Variants in PIP4K2A observed in about 807,000 individuals in gnomAD.
The protein encoded by PIP4K2A is phosphatidylinositol 5-phosphate 4-kinase type-2 alpha.
PIP4K2A carries 14 observed loss-of-function variants against 42.9 expected under a neutral mutation model. The observed-to-expected ratio is 0.33, with a 90% CI of 0.22 to 0.51. The LOEUF (loss-of-function observed/expected upper bound fraction) is 0.51. PIP4K2A is among the 20% of genes least tolerant of loss of function. The pLI, the probability that PIP4K2A is intolerant of heterozygous loss-of-function variation, is 0.97. For missense variants in PIP4K2A, 434 were observed against 519.8 expected, an observed-to-expected ratio of 0.83 and a Z score of 1.61; for synonymous variants, 192 against 192.2, an observed-to-expected ratio of 1.00 and a Z score of 0.01.
At position 22,573,179 on chromosome 10, in the gene PIP4K2A, A is replaced by C. The variant is rs529125715; in HGVS notation, c.639+132T>G. On this transcript the variant is annotated intron_variant, in intron 5 of 9. Coordinates refer to ENST00000376573, the MANE Select transcript of PIP4K2A (RefSeq NM_005028.5). ...AGCACTTATTGCCTCACAGGAAGGA[A>C]TACACTGCTACTTGTCTGGTAGCTT... is the stretch of plus-strand genomic sequence containing the variant. The C allele has an allele frequency of 9.2e-6, 7 of 763,578 alleles. No homozygotes were observed. The East Asian group carries it at 1.7e-4, about 19-fold the overall frequency. The allele number at this position is 763,578 out of a possible 1,614,324, so 47.3% of individuals were successfully genotyped here.
At chr10:22,581,849 C>T (rs1242752414) in intron 4 of PIP4K2A, among the ~76,000 whole-genome samples, 1 of 152,018 alleles carries the variant, frequency 6.6e-6, no homozygotes, top group Non-Finnish European at 1.5e-5. Context: ...CATGGTGGCT[C>T]ATGCCTGTAA....
chr10:22,614,182 A>ACT (rs1365847047), intron 1 of PIP4K2A, among the ~76,000 whole-genome samples: 3 of 152,196 alleles, frequency 2.0e-5, no homozygotes. Context: ...CATCTTCCAA[A>ACT]ACCAGACTAC....
At chr10:22,598,233 C>CTA (rs1276397380) in intron 3 of PIP4K2A, among the ~76,000 whole-genome samples, 1 of 151,936 alleles carries the variant, frequency 6.6e-6, no homozygotes, top group Non-Finnish European at 1.5e-5. Context: ...TGGTGCGTGC[C>CTA]TGTAGTTCTA....
At chr10:22,557,758 T>C (rs1836587330) in intron 6 of PIP4K2A, among the ~76,000 whole-genome samples, 1 of 152,224 alleles carries the variant, frequency 6.6e-6, no homozygotes, top group Non-Finnish European at 1.5e-5. Context: ...ACTTTAATTA[T>C]ACAACAAGAG....
intron 1 of PIP4K2A, among the ~76,000 whole-genome samples, chr10:22,656,922 G>T (rs73598589): frequency 0.012 from 1,896 of 152,120 alleles, 29 homozygotes; most frequent in African/African-American, 0.043. Flanking sequence ...AAGTCAGTTT[G>T]AGTTATTTTA....
chr10:22,682,754 G>T (rs1839687353), intron 1 of PIP4K2A, among the ~76,000 whole-genome samples: 1 of 152,126 alleles, frequency 6.6e-6, no homozygotes. Context: ...TTGGCTCCTA[G>T]ACTCTCTACT....
At chr10:22,643,417 GA>G (rs1838819099) in intron 1 of PIP4K2A, among the ~76,000 whole-genome samples, 2 of 152,234 alleles carry the variant, frequency 1.3e-5, no homozygotes, top group South Asian at 4.2e-4. Flanking sequence ...TCTTTTTGCA[GA>G]AAAAGTTTGC....
At chr10:22,694,307 C>T (rs1268481718) in intron 1 of PIP4K2A, 1 of 152,162 alleles carries the variant, frequency 6.6e-6, no homozygotes, top group Non-Finnish European at 1.5e-5. Context: ...TTATTTGGGT[C>T]CACAGGTTAG....
intron 1 of PIP4K2A, among the ~76,000 whole-genome samples, chr10:22,708,500 A>G (rs2130927711): frequency 6.6e-6 from 1 of 152,166 alleles, no homozygotes; most frequent in African/African-American, 2.4e-5. Context: ...TCCACCCACC[A>G]CCATCACCTG....
At chr10:22,602,821 G>A (rs1246812904) in intron 3 of PIP4K2A, among the ~76,000 whole-genome samples, 11 of 152,150 alleles carry the variant, frequency 7.2e-5, no homozygotes, top group Non-Finnish European at 1.0e-4. Flanking sequence ...GAGTAGCTGG[G>A]ATTACAGGTG....
chr10:22,556,375 T>C (rs1436344799), intron 6 of PIP4K2A, among the ~76,000 whole-genome samples: 1 of 152,200 alleles, frequency 6.6e-6, no homozygotes, highest in African/African-American at 2.4e-5. Flanking sequence ...GTAGGAAACC[T>C]CACTGAAAAG....
chr10:22,615,811 G>C (rs1156881820), intron 1 of PIP4K2A, among the ~76,000 whole-genome samples: 1 of 152,194 alleles, frequency 6.6e-6, no homozygotes, highest in South Asian at 2.1e-4. Flanking sequence ...GGCAAACACA[G>C]TATAGTTCTC....
chr10:22,710,242 C>T (rs1237729444), intron 1 of PIP4K2A, among the ~76,000 whole-genome samples: 2 of 152,182 alleles, frequency 1.3e-5, no homozygotes, highest in South Asian at 2.1e-4. Flanking sequence ...CAGATTCCCA[C>T]GGTAAAGACC....
At chr10:22,585,245 G>A (rs185860740) in intron 4 of PIP4K2A, among the ~76,000 whole-genome samples, 8 of 152,310 alleles carry the variant, frequency 5.3e-5, no homozygotes, top group East Asian at 1.9e-4. Context: ...GTACTATGAG[G>A]AGATTTCAAA....
chr10:22,684,057 A>G (rs1839714991), intron 1 of PIP4K2A, among the ~76,000 whole-genome samples: 2 of 152,146 alleles, frequency 1.3e-5, no homozygotes, highest in East Asian at 3.9e-4. Context: ...CTTTGTGTGT[A>G]GAATGTAGTC....
chr10:22,601,291 T>C (rs571440484), intron 3 of PIP4K2A, among the ~76,000 whole-genome samples: 1 of 151,696 alleles, frequency 6.6e-6, no homozygotes, highest in Non-Finnish European at 1.5e-5. Context: ...CCAAAGCAGG[T>C]TTGAGGCGGG....
At chr10:22,641,005 C>G (rs1398853112) in intron 1 of PIP4K2A, among the ~76,000 whole-genome samples, 2 of 151,970 alleles carry the variant, frequency 1.3e-5, no homozygotes, top group African/African-American at 4.8e-5. Context: ...AAATTTAATG[C>G]CTCCAATTAC....
At chr10:22,701,680 G>A (rs989014125) in intron 1 of PIP4K2A, among the ~76,000 whole-genome samples, 2 of 152,214 alleles carry the variant, frequency 1.3e-5, no homozygotes, top group East Asian at 1.9e-4. Flanking sequence ...GGTTATTCAG[G>A]TCAGCTCTGC....
chr10:22,610,256 G>A (rs1216939667), intron 1 of PIP4K2A, among the ~76,000 whole-genome samples: 1 of 152,230 alleles, frequency 6.6e-6, no homozygotes, highest in Non-Finnish European at 1.5e-5. Flanking sequence ...ATTCAGGGAA[G>A]GAAGAAGACA....
Sources: allele counts gnomAD v4.1 joint callset (sites outside exome capture counted in the v4.1 genomes callset), GRCh38; gene constraint gnomAD v4.1.1; transcripts MANE v1.5; gene names NCBI Gene and HGNC (gene_info 2026-07-23, HGNC 2026-07-21).